FHOD3: variants seen among roughly 807,000 people sequenced by gnomAD.
FHOD3 encodes the protein formin homology 2 domain containing 3.
FHOD3 carries 90 observed loss-of-function variants against 173.0 expected under a neutral mutation model. The observed-to-expected ratio is 0.52, with a 90% confidence interval of 0.44 to 0.62. FHOD3 has a LOEUF of 0.62. Among genes scored for constraint, FHOD3 ranks in the 20% least tolerant of loss-of-function variants. The pLI is 0.00. For synonymous variants in FHOD3, 828 were observed against 823.0 expected (o/e 1.01, Z -0.10); for missense variants, 1,945 against 2,034.7 (o/e 0.96, Z 0.85).
chr18:36,433,184 AC>A (rs2050641514), intron 3 of FHOD3, among the ~76,000 whole-genome samples: 1 of 152,192 alleles, frequency 6.6e-6, no homozygotes. Flanking sequence ...ACATAGTTTA[AC>A]CTAGTCACAA....
At chr18:36,362,237 G>T (rs1283302528) in intron 2 of FHOD3, among the ~76,000 whole-genome samples, 1 of 152,140 alleles carries the variant, frequency 6.6e-6, no homozygotes, top group East Asian at 1.9e-4. Flanking sequence ...GTGGCCTAAT[G>T]AACCTAAACC....
At chr18:36,687,780 T>C (rs972172122) in intron 16 of FHOD3, among the ~76,000 whole-genome samples, 2 of 152,350 alleles carry the variant, frequency 1.3e-5, no homozygotes, top group South Asian at 2.1e-4. Flanking sequence ...ATTTAAAATA[T>C]TCAAGCTGTA....
chr18:36,454,309 G>A (rs1362281485), intron 3 of FHOD3, among the ~76,000 whole-genome samples: 1 of 151,944 alleles, frequency 6.6e-6, no homozygotes, highest in Non-Finnish European at 1.5e-5. Flanking sequence ...GGACACACAT[G>A]GGACCACACA....
At chr18:36,391,653 C>T (rs2048305153) in intron 3 of FHOD3, among the ~76,000 whole-genome samples, 2 of 152,110 alleles carry the variant, frequency 1.3e-5, no homozygotes, top group Non-Finnish European at 2.9e-5. Flanking sequence ...AAGTAGGACC[C>T]TTGTCTCAGG....
At chr18:36,362,704 C>T (rs1179746989) in intron 2 of FHOD3, among the ~76,000 whole-genome samples, 1 of 152,156 alleles carries the variant, frequency 6.6e-6, no homozygotes, top group African/African-American at 2.4e-5. Context: ...CAGGTGGCAG[C>T]ACCCAGATGA....
intron 19 of FHOD3, among the ~76,000 whole-genome samples, chr18:36,725,126 G>A (rs1315825905): frequency 6.8e-6 from 1 of 147,470 alleles, no homozygotes; most frequent in Non-Finnish European, 1.5e-5. Context: ...CTAGCATCCT[G>A]TACCTGGAGC....
At chr18:36,614,257 C>T (rs546843200) in intron 9 of FHOD3, among the ~76,000 whole-genome samples, 1 of 152,298 alleles carries the variant, frequency 6.6e-6, no homozygotes, top group African/African-American at 2.4e-5. Flanking sequence ...TGGATCCATA[C>T]AAAATGTGGT....
In FHOD3 at chr18:36,693,256, T is replaced by A. The variant is rs768295559; in HGVS notation, c.2069T>A (p.Leu690Gln). 46 of 1,613,714 alleles carry A rather than the reference T, an allele frequency of 2.9e-5. No individual in the cohort carries two copies. Among genetic ancestry groups the A allele is most frequent in the Non-Finnish European group, 3.9e-5 (46 of 1,179,882 alleles). Residue 690 changes from leucine (L) to glutamine (Q), a missense_variant, in exon 17 of 29, where the codon CTG becomes CAG. Transcript: ENST00000590592. ...GCAGCTGAGGAGCACGAGAAGGAGC[T>A]GAGAAGCCGGAGTGTGAGCCGGGGC... ...QLAAEEHEKE[L>Q]RSRSVSRGRA... is the part of the protein sequence containing the mutation.
chr18:36,732,917 C>T (rs183268775), intron 20 of FHOD3, among the ~76,000 whole-genome samples: 82 of 152,284 alleles, frequency 5.4e-4, no homozygotes, highest in African/African-American at 1.6e-3. Flanking sequence ...TCTGTCAGTG[C>T]GGCTAAGGGG....
At chr18:36,521,927 C>T (rs2056297120) in intron 5 of FHOD3, among the ~76,000 whole-genome samples, 1 of 152,156 alleles carries the variant, frequency 6.6e-6, no homozygotes, top group Non-Finnish European at 1.5e-5. Flanking sequence ...TACAAGGCCT[C>T]GCTCACCCAT....
intron 5 of FHOD3, among the ~76,000 whole-genome samples, chr18:36,568,528 C>A (rs573994576): frequency 1.3e-5 from 2 of 151,788 alleles, no homozygotes; most frequent in East Asian, 3.9e-4. Flanking sequence ...ATGAATCTGA[C>A]CCTAAACAGC....
At chr18:36,585,436 T>A (rs969841991) in intron 6 of FHOD3, among the ~76,000 whole-genome samples, 4 of 152,102 alleles carry the variant, frequency 2.6e-5, no homozygotes, top group South Asian at 2.1e-4. Context: ...CATGTGAGAA[T>A]AATCTCAGTA....
chr18:36,567,329 T>C (rs190421002), intron 5 of FHOD3, among the ~76,000 whole-genome samples: 2 of 152,170 alleles, frequency 1.3e-5, no homozygotes, highest in African/African-American at 4.8e-5. Context: ...AGAGAAAGGA[T>C]TACAAACCAT....
intron 1 of FHOD3, among the ~76,000 whole-genome samples, chr18:36,344,841 A>G: frequency 6.6e-6 from 1 of 152,182 alleles, no homozygotes; most frequent in East Asian, 1.9e-4. Flanking sequence ...GGACTAAAAG[A>G]AGACTATCCA....
chr18:36,752,802 T>C (rs996391137), intron 24 of FHOD3, among the ~76,000 whole-genome samples: 2 of 152,186 alleles, frequency 1.3e-5, no homozygotes, highest in African/African-American at 4.8e-5. Flanking sequence ...TGTACTTATG[T>C]ATAAAATAGG....
chr18:36,560,842 G>GTTTTTTTTTTTTTTT (rs1318480145), intron 5 of FHOD3, among the ~76,000 whole-genome samples: 14 of 127,572 alleles, frequency 1.1e-4, no homozygotes, highest in Middle Eastern at 3.9e-3. Flanking sequence ...TTTTTTTTCT[G>GTTTTTTTTTTTTTTT]TTTTTTTTTT....
At chr18:36,312,657 C>T (rs535693915) in intron 1 of FHOD3, among the ~76,000 whole-genome samples, 3 of 152,314 alleles carry the variant, frequency 2.0e-5, no homozygotes, top group African/African-American at 4.8e-5. Context: ...CTGCTTCTCC[C>T]TCTGGTCCAT....
At chr18:36,574,140 CAGTG>C (rs1328719624) in intron 5 of FHOD3, among the ~76,000 whole-genome samples, 1 of 152,194 alleles carries the variant, frequency 6.6e-6, no homozygotes, top group Non-Finnish European at 1.5e-5. Context: ...ACTTGGCACA[CAGTG>C]AGCGCTAAAT....
At chr18:36,664,775 T>TGAGAGAGA (rs2037046044) in intron 14 of FHOD3, among the ~76,000 whole-genome samples, 1 of 73,744 alleles carries the variant, frequency 1.4e-5, no homozygotes, top group Admixed American at 1.5e-4. Flanking sequence ...TGTGTGTGTA[T>TGAGAGAGA]GTGAGAGAGA....
Sources: allele counts gnomAD v4.1 joint callset (sites outside exome capture counted in the v4.1 genomes callset), GRCh38; gene constraint gnomAD v4.1.1; transcripts MANE v1.5; gene names NCBI Gene and HGNC (gene_info 2026-07-23, HGNC 2026-07-21).